Variants in NAIP observed in about 807,000 individuals in gnomAD.
The protein encoded by NAIP is NLR family apoptosis inhibitory protein, also known as baculoviral IAP repeat-containing protein 1.
In NAIP, 15 loss-of-function variants were observed where a neutral mutation model predicts 23.0. The ratio of observed to expected loss-of-function variants is 0.65; its 90% CI spans 0.44 to 1.00. The LOEUF is 1.00. Ranked by LOEUF, NAIP falls within the 50% of genes least tolerant of loss-of-function variation. NAIP has a pLI of 0.00. For synonymous variants in NAIP, 100 were observed against 100.2 expected (o/e 1.00, Z 0.01); for missense variants, 265 against 278.8 (o/e 0.95, Z 0.35).
chr5:70,977,183 C>CT (rs1313559720), intron 13 of NAIP, 125 bp from the exon 14 acceptor site: 1 of 346,118 alleles, frequency 2.9e-6, no homozygotes, highest in Non-Finnish European at 5.2e-6. Flanking sequence ...ATCTCATGAT[C>CT]TAAGAATCAG....
At chr5:71,012,216 A>G in intron 4 of NAIP, 132 bp downstream of exon 4, 1 of 770,324 alleles carries the variant, frequency 1.3e-6, no homozygotes, top group Non-Finnish European at 2.0e-6. Context: ...ATTTTAATAA[A>G]CTAGACCTTA....
intron 4 of NAIP, chr5:71,011,795 T>A: frequency 2.3e-6 from 1 of 442,934 alleles, no homozygotes; most frequent in Middle Eastern, 3.3e-4. Flanking sequence ...AGCTGTGAAA[T>A]GGGAGAGAAA....
chr5:71,009,848 T>C (rs183354898), intron 5 of NAIP, among the ~76,000 whole-genome samples: 1 of 151,612 alleles, frequency 6.6e-6, no homozygotes, highest in Admixed American at 6.6e-5. Context: ...AAGGAATGAA[T>C]CTGTACTTGG....
At chr5:71,015,337 C>A (rs1269517203) in intron 3 of NAIP, among the ~76,000 whole-genome samples, 3 of 150,076 alleles carry the variant, frequency 2.0e-5, no homozygotes, top group Non-Finnish European at 4.5e-5. Context: ...CACAATTATG[C>A]CACTCACTGT....
At position 71,012,569 on chromosome 5, in the gene NAIP, T is replaced by A; in HGVS notation, c.347A>T (p.Asp116Val). The A allele has an allele frequency of 6.2e-7, 1 of 1,611,816 alleles. No homozygotes were observed. The highest frequency in any genetic ancestry group is 8.5e-7 in the Non-Finnish European group (1 of 1,178,456). ...ACAATCTGGATGAAACCTCTTGTGG[T>A]CTTCTATGGGGAGTCTCGTGAGGCC... is the stretch of plus-strand genomic sequence containing the variant. ...GAGLTRLPIE[D>V]HKRFHPDCGF... is the part of the protein sequence containing the mutation. Residue 116 changes from aspartate to valine, a missense_variant, in exon 4 of 17, where the codon GAC becomes GTC. By Grantham distance (152) the Asp-to-Val change is radical. This residue lies in a region of NAIP where 261 missense variants were observed against 259.2 expected (regional missense o/e 1.01). Transcript: ENST00000517649.
intron 13 of NAIP, among the ~76,000 whole-genome samples, chr5:70,978,172 G>A: frequency 8.7e-6 from 1 of 114,314 alleles, no homozygotes; most frequent in Admixed American, 9.7e-5. Flanking sequence ...TTTTTTTTGA[G>A]ACAGGGTCTT....
rs759321349 is a variant in NAIP at position 71,012,574 on chromosome 5, T to C, written c.342A>G (p.Ile114Met). The C allele has an allele frequency of 1.2e-6, 2 of 1,611,866 alleles. No individual in the cohort carries two copies. The highest frequency in any genetic ancestry group is 1.7e-6 in the Non-Finnish European group (2 of 1,178,496). The change falls in exon 4 of 17, where the codon ATA becomes ATG. Residue 114 changes from isoleucine (I) to methionine (M), a missense_variant. This residue lies in a region of NAIP where 261 missense variants were observed against 259.2 expected (regional missense o/e 1.01). Transcript: ENST00000517649. ...LFGAGLTRLPIEDHKRFHPDC... is the reference protein window; with the variant it reads ...LFGAGLTRLPMEDHKRFHPDC... ...CTGGATGAAACCTCTTGTGGTCTTC[T>C]ATGGGGAGTCTCGTGAGGCCGGCAC...
chr5:71,010,667 G>C (rs2112920315), intron 5 of NAIP, among the ~76,000 whole-genome samples: 1 of 151,480 alleles, frequency 6.6e-6, no homozygotes, highest in African/African-American at 2.4e-5. Context: ...CAAAGTGCTG[G>C]GGTTACAGGT....
At chr5:70,996,792 C>CAA (rs1222506915) in intron 9 of NAIP, among the ~76,000 whole-genome samples, 742 of 63,846 alleles carry the variant, frequency 0.012, no homozygotes, top group African/African-American at 0.024. Flanking sequence ...GACTCCATCT[C>CAA]AAAAAAAAAA....
rs997297061 is a variant in NAIP, at chr5:71,012,936, G to A, written c.-3-18C>T. Reference sequence around the variant, plus strand: ...GCCATTTTCTGAAAAGGAAAATAAAGCAGGTTGATCCCTTATAGTAAGATT... The same window carrying A: ...GCCATTTTCTGAAAAGGAAAATAAAACAGGTTGATCCCTTATAGTAAGATT... On this transcript the variant is annotated intron_variant, in intron 3 of 16. Transcript: ENST00000517649. 1 of 1,551,548 alleles carries A rather than the reference G, an allele frequency of 6.4e-7. No homozygotes were observed. The highest frequency in any genetic ancestry group is 1.4e-5 in the African/African-American group (1 of 72,680).
At position 71,012,442 on chromosome 5, in the gene NAIP, T is replaced by A; in HGVS notation, c.474A>T (p.Glu158Asp). 3 of 1,611,632 alleles carry A rather than the reference T, an allele frequency of 1.9e-6. No individual in the cohort carries two copies. The highest frequency in any genetic ancestry group is 2.5e-6 in the Non-Finnish European group (3 of 1,178,308). The change falls in exon 4 of 17, where the codon GAA becomes GAT. Residue 158 changes from glutamate to aspartate, a missense_variant. This residue lies in a region of NAIP where 261 missense variants were observed against 259.2 expected (regional missense o/e 1.01). Coordinates refer to ENST00000517649, the MANE Select transcript of NAIP (RefSeq NM_004536.3). ...RLRGGKMRYQ[E>D]EEARLASFRN... Reference sequence around the variant, plus strand: ...TGAAGGACGCAAGTCTAGCCTCCTCTTCTTGGTACCTCATTTTACCTCCTC... The same window carrying A: ...TGAAGGACGCAAGTCTAGCCTCCTCATCTTGGTACCTCATTTTACCTCCTC...
At chr5:70,973,356 TTTCCCCCAAGTTC>T (rs1266276148) in intron 16 of NAIP, among the ~76,000 whole-genome samples, 1 of 107,496 alleles carries the variant, frequency 9.3e-6, no homozygotes, top group Non-Finnish European at 1.9e-5. Flanking sequence ...CATTCCTTTT[TTTCCCCCAAGTTC>T]TTCAAATATA....
intron 3 of NAIP, among the ~76,000 whole-genome samples, chr5:71,015,206 T>G (rs1212746885): frequency 6.6e-6 from 1 of 151,456 alleles, no homozygotes; most frequent in African/African-American, 2.4e-5. Flanking sequence ...GTGAGATCCT[T>G]GTCTCTACAA....
chr5:71,011,030 C>G (rs973624093), intron 5 of NAIP, among the ~76,000 whole-genome samples: 1 of 150,880 alleles, frequency 6.6e-6, no homozygotes, highest in Admixed American at 6.6e-5. Context: ...CTCAGGAGCT[C>G]AAGACCAGCC....
intron 13 of NAIP, among the ~76,000 whole-genome samples, chr5:70,977,761 G>C (rs1250689499): frequency 1.9e-4 from 27 of 140,902 alleles, no homozygotes; most frequent in African/African-American, 6.5e-4. Flanking sequence ...GGGAGGCTGA[G>C]GTGGGCGGAT....
chr5:70,973,358 T>TC (rs1490784125), intron 16 of NAIP, among the ~76,000 whole-genome samples: 1 of 104,044 alleles, frequency 9.6e-6, no homozygotes, highest in South Asian at 4.0e-4. Flanking sequence ...TTCCTTTTTT[T>TC]CCCCCAAGTT....
chr5:71,012,690 A>AT lies in NAIP; in HGVS notation c.225dup (p.Trp76MetfsTer26). The AT allele has an allele frequency of 6.2e-7, 1 of 1,611,880 alleles. No homozygotes were observed. Among genetic ancestry groups the AT allele is most frequent in the Middle Eastern group, 1.6e-4 (1 of 6,062 alleles). On this transcript the variant is annotated frameshift_variant, in exon 4 of 17. Coordinates refer to ENST00000517649, the MANE Select transcript of NAIP (RefSeq NM_004536.3). LOFTEE classifies it high-confidence loss of function. ...GCGGCCGCCATCTCCTGTGGTATCC[A>AT]TGAGCTGTACGGCTCATAAGTCACA... is the stretch of plus-strand genomic sequence containing the variant.
Position 71,012,714 on chromosome 5 carries a change from CAA to C in NAIP, c.200_201del (p.Phe67CysfsTer4). 1 of 1,611,770 alleles carries C rather than the reference CAA, an allele frequency of 6.2e-7. No individual in the cohort carries two copies. On this transcript the variant is annotated frameshift_variant, in exon 4 of 17. Coordinates refer to ENST00000517649, the MANE Select transcript of NAIP (RefSeq NM_004536.3). LOFTEE classifies it high-confidence loss of function. Reference protein sequence around the residue: ...MRSEAKRLKTFVTYEPYSSWI... With the variant: ...MRSEAKRLKTXVTYEPYSSWI... Reference sequence around the variant, plus strand: ...CATGAGCTGTACGGCTCATAAGTCACAAAAGTCTTTAACCTTTTTGCTTCACT... The same window carrying C: ...CATGAGCTGTACGGCTCATAAGTCACAAGTCTTTAACCTTTTTGCTTCACT...
intron 5 of NAIP, 84 bp downstream of exon 5, chr5:71,011,191 C>G (rs1260468221): frequency 1.3e-5 from 13 of 1,017,082 alleles, no homozygotes; most frequent in Non-Finnish European, 1.9e-5. Context: ...TGAAGTCATG[C>G]CACTATACTC....
Sources: allele counts gnomAD v4.1 joint callset (sites outside exome capture counted in the v4.1 genomes callset), GRCh38; gene constraint gnomAD v4.1.1; regional missense constraint gnomAD v4.1.1; transcripts MANE v1.5; gene names NCBI Gene and HGNC (gene_info 2026-07-23, HGNC 2026-07-21).